Variants in BOK observed in about 807,000 individuals in gnomAD.
BOK encodes the protein BCL2 family apoptosis regulator BOK, also known as bcl-2-related ovarian killer protein.
BOK carries 20 observed loss-of-function variants against 18.3 expected under a neutral mutation model. The observed-to-expected ratio is 1.09, with a 90% CI of 0.77 to 1.59. The LOEUF (loss-of-function observed/expected upper bound fraction) is 1.59, where lower values mean the gene tolerates loss of function less well. Among genes scored for constraint, BOK ranks in the 40% most tolerant of loss-of-function variants. BOK has a pLI of 0.00. For missense variants in BOK, 348 were observed against 307.9 expected (o/e 1.13, Z -0.97); for synonymous variants, 173 against 142.4 (o/e 1.21, Z -1.53).
intron 3 of BOK, among the ~76,000 whole-genome samples, chr2:241,567,659 C>T (rs561597858): frequency 7.4e-6 from 1 of 134,680 alleles, no homozygotes; most frequent in African/African-American, 2.9e-5. Flanking sequence ...CTGGAGTCTG[C>T]CAGGGGCCAG....
upstream of BOK, among the ~76,000 whole-genome samples, chr2:241,556,079 C>A (rs2066448081): frequency 6.6e-6 from 1 of 152,210 alleles, no homozygotes; most frequent in Non-Finnish European, 1.5e-5. Flanking sequence ...TGGGCGAGAT[C>A]TTTTCCCTCT....
At chr2:241,567,980 C>T (rs2066642518) in intron 3 of BOK, among the ~76,000 whole-genome samples, 2 of 152,182 alleles carry the variant, frequency 1.3e-5, no homozygotes, top group South Asian at 4.1e-4. Context: ...GCCTGCGTCC[C>T]AGCTCTGTCC....
rs575908771 is a variant in BOK, at chr2:241,560,737, G to A, written c.220+1034G>A. On this transcript the variant is annotated intron_variant, in intron 2 of 4. Transcript: ENST00000318407. ...GGGTTGGTGGGGCTCCATGAGATCC[G>A]CCGCCTGCTGCTGCCTCTAGTCGGG... Among the ~76,000 whole-genome samples, 10 of 152,290 alleles carry A rather than the reference G, an allele frequency of 6.6e-5. 1 individual carries two copies. The South Asian group carries it at 1.0e-3, about 16-fold the overall frequency.
At chr2:241,572,262 C>A in intron 4 of BOK, 35 bp from the exon 5 acceptor site, 1 of 1,599,336 alleles carries the variant, frequency 6.3e-7, no homozygotes. Flanking sequence ...GCGGTGCTGG[C>A]TCTGCTTTCT....
intron 3 of BOK, among the ~76,000 whole-genome samples, chr2:241,569,421 G>A (rs956255640): frequency 3.9e-4 from 59 of 152,168 alleles, no homozygotes; most frequent in African/African-American, 1.2e-3. Context: ...GTGAGCCACC[G>A]CGCCTGGCGT....
rs1320688859 is a variant in BOK, at chr2:241,562,060, C to T, written c.221-288C>T. Among the ~76,000 whole-genome samples, 12 of 152,370 alleles carry T rather than the reference C, an allele frequency of 7.9e-5. No homozygotes were observed. Among genetic ancestry groups the T allele is most frequent in the Admixed American group, 1.3e-4 (2 of 15,310 alleles). Reference sequence around the variant, plus strand: ...ACGGCCCACGCTCTCGCAGGATTCCCGCCCCACCGGCTTGGCCGGCTAGGC... The same window carrying T: ...ACGGCCCACGCTCTCGCAGGATTCCTGCCCCACCGGCTTGGCCGGCTAGGC... On this transcript the variant is annotated intron_variant, in intron 2 of 4. Transcript: ENST00000318407. This position sits in a 1 kb window ranked among gnomAD's most constrained non-coding sequence, Gnocchi z 4.5.
At chr2:241,556,987 T>A (rs2066457491), upstream of BOK, among the ~76,000 whole-genome samples, 1 of 152,220 alleles carries the variant, frequency 6.6e-6, no homozygotes, top group South Asian at 2.1e-4. Context: ...TCATCTAAAA[T>A]TTCAAATGCA....
rs1002544684 is a variant in BOK, at chr2:241,562,460, C to T, written c.333C>T (p.Gly111=). 3.4e-5 allele frequency: 54 copies of T among 1,610,890 alleles called. No individual in the cohort carries two copies. The highest frequency in any genetic ancestry group is 4.2e-5 in the Non-Finnish European group (49 of 1,179,392). ...CCGATGCGTTCCTGGCCGTGGCTGG[C>T]CACATCTTCTCTGCAGGTATGCCCA... The part of the protein sequence containing the change: ...VVTDAFLAVA[G]HIFSAGITWG... Residue 111 remains glycine (G), a synonymous_variant, in exon 3 of 5, where the codon GGC becomes GGT. Transcript: ENST00000318407. This position sits in a 1 kb window ranked among gnomAD's most constrained non-coding sequence, Gnocchi z 4.5.
chr2:241,557,831 G>T (rs752082770), upstream of BOK, among the ~76,000 whole-genome samples: 23 of 152,174 alleles, frequency 1.5e-4, no homozygotes, highest in Non-Finnish European at 7.3e-5. Flanking sequence ...TTTTAATTCA[G>T]AGAGGACACA....
chr2:241,559,535 T>G lies in BOK; in HGVS notation c.52T>G (p.Phe18Val). Reference sequence around the variant, plus strand: ...CTTCGCCGCCGAGATCATGGACGCCTTTGACCGCTCGCCCACAGACAAGGA... The same window carrying G: ...CTTCGCCGCCGAGATCATGGACGCCGTTGACCGCTCGCCCACAGACAAGGA... ...SVFAAEIMDA[F>V]DRSPTDKELV... The change falls in exon 2 of 5, where the codon TTT (phenylalanine) becomes GTT (valine). Residue 18 changes from phenylalanine (F) to valine (V), a missense_variant. Coordinates refer to ENST00000318407, the MANE Select transcript of BOK (RefSeq NM_032515.5). The G allele has an allele frequency of 6.6e-7, 1 of 1,522,956 alleles. No homozygotes were observed. The highest frequency in any genetic ancestry group is 2.0e-5 in the Admixed American group (1 of 49,808). 94.3% of individuals were successfully genotyped at this position (1,522,956 alleles called of 1,614,324 possible).
chr2:241,568,992 A>G (rs7558279), intron 3 of BOK, among the ~76,000 whole-genome samples: 61,119 of 151,784 alleles, frequency 0.4, 13,113 homozygotes, highest in African/African-American at 0.56. Flanking sequence ...GACCGCTGCT[A>G]ACTCCCTGCG....
chr2:241,559,817 C>G (rs897170259), intron 2 of BOK, 114 bp downstream of exon 2: 8 of 1,172,976 alleles, frequency 6.8e-6, no homozygotes, highest in African/African-American at 1.6e-5. Flanking sequence ...CTGCCTGGGA[C>G]GGCCAGGCGC....
intron 1 of BOK, among the ~76,000 whole-genome samples, chr2:241,552,789 G>A (rs751897828): frequency 6.6e-6 from 1 of 152,200 alleles, no homozygotes; most frequent in Non-Finnish European, 1.5e-5. Flanking sequence ...AGCCCATCAG[G>A]GATCACCACT....
At chr2:241,563,758 C>T (rs1211020633) in intron 3 of BOK, among the ~76,000 whole-genome samples, 1 of 152,206 alleles carries the variant, frequency 6.6e-6, no homozygotes, top group South Asian at 2.1e-4. Context: ...AGGCATCAGG[C>T]GCCAGAGGAA....
At chr2:241,568,189 C>T (rs1320767738) in intron 3 of BOK, among the ~76,000 whole-genome samples, 2 of 152,144 alleles carry the variant, frequency 1.3e-5, no homozygotes, top group African/African-American at 4.8e-5. Flanking sequence ...GGCGTGATCT[C>T]GGCTCACTGC....
chr2:241,552,903 C>T (rs1306779117), intron 1 of BOK, among the ~76,000 whole-genome samples: 2 of 152,196 alleles, frequency 1.3e-5, no homozygotes, highest in Non-Finnish European at 1.5e-5. Flanking sequence ...GCCTGGGGCA[C>T]GTGCAGACAC....
At chr2:241,553,739 C>A (rs2066431233) in intron 1 of BOK, among the ~76,000 whole-genome samples, 1 of 152,186 alleles carries the variant, frequency 6.6e-6, no homozygotes, top group Non-Finnish European at 1.5e-5. Flanking sequence ...CTGGGGTTTA[C>A]AATTTGACGG....
At chr2:241,570,060 CCCTT>C (rs761893655) in intron 3 of BOK, 61 bp from the exon 4 acceptor site, 10 of 1,547,288 alleles carry the variant, frequency 6.5e-6, no homozygotes, top group African/African-American at 1.4e-5. Context: ...GAGGCCCAGC[CCCTT>C]CCTTAAGTGC....
At chr2:241,565,164 A>G (rs1029378021) in intron 3 of BOK, among the ~76,000 whole-genome samples, 4 of 151,994 alleles carry the variant, frequency 2.6e-5, no homozygotes, top group Admixed American at 2.0e-4. Context: ...ACCGGAGCCC[A>G]CTCCCCTGTG....
Sources: allele counts gnomAD v4.1 joint callset (sites outside exome capture counted in the v4.1 genomes callset), GRCh38; gene constraint gnomAD v4.1.1; non-coding constraint Gnocchi (gnomAD v3.1); transcripts MANE v1.5; gene names NCBI Gene and HGNC (gene_info 2026-07-23, HGNC 2026-07-21).